Variants in LRRC37A observed in about 807,000 individuals in gnomAD.
LRRC37A encodes leucine-rich repeat-containing protein 37A.
A neutral mutation model predicts 35.4 loss-of-function variants in LRRC37A; 3 were observed. The ratio of observed to expected loss-of-function variants is 0.08; its 90% CI spans 0.04 to 0.22. The LOEUF (loss-of-function observed/expected upper bound fraction) is 0.22. LRRC37A is among the 10% of genes least tolerant of loss of function. LRRC37A has a pLI of 1.00. For synonymous variants in LRRC37A, 23 were observed against 215.0 expected, an observed-to-expected ratio of 0.11 and a Z score of 7.81; for missense variants, 67 against 565.3, an observed-to-expected ratio of 0.12 and a Z score of 8.94.
chr17:46,248,206 A>G, the LRRC37A span, among the ~76,000 whole-genome samples: 1 of 151,790 alleles, frequency 6.6e-6, no homozygotes, highest in Admixed American at 6.6e-5. Flanking sequence ...TTGCGTTTTT[A>G]GGTTTGTTTT....
chr17:46,250,823 G>A, the LRRC37A span, among the ~76,000 whole-genome samples: 2 of 152,210 alleles, frequency 1.3e-5, no homozygotes, highest in African/African-American at 2.4e-5. Context: ...GAGCCCCAGA[G>A]TCTTCTTCTT....
At chr17:46,254,102 G>C in the LRRC37A span, among the ~76,000 whole-genome samples, 1 of 152,184 alleles carries the variant, frequency 6.6e-6, no homozygotes. Context: ...TCCTCACAAC[G>C]ACAGACCCGT....
chr17:46,332,398 A>G (rs2052002256), intron 9 of LRRC37A, among the ~76,000 whole-genome samples, 154 bp from the exon 10 acceptor site: 2 of 78,442 alleles, frequency 2.5e-5, no homozygotes, highest in African/African-American at 1.2e-4. Context: ...AGTCTAGTGA[A>G]CGGTGATTGC....
Position 46,314,259 on chromosome 17 carries a change from G to GA in LRRC37A, c.2906+7958dup, listed in dbSNP as rs973997335. Among the ~76,000 whole-genome samples, 3 of 28,542 alleles carry GA rather than the reference G, an allele frequency of 1.1e-4. 1 individual carries two copies. Among genetic ancestry groups the GA allele is most frequent in the Non-Finnish European group, 3.4e-4 (3 of 8,920 alleles). 18.7% of individuals were successfully genotyped at this position (28,542 alleles called of 152,430 possible). On this transcript the variant is annotated intron_variant, in intron 5 of 13. Transcript: ENST00000320254. Reference sequence around the variant, plus strand: ...TTCAAAAGACAAAATTGTTTTAAAAGAAAAAAAATCCAGTTTGGAGAAGAA... The same window carrying GA: ...TTCAAAAGACAAAATTGTTTTAAAAGAAAAAAAAATCCAGTTTGGAGAAGAA...
At chr17:46,270,229 T>C in the LRRC37A span, among the ~76,000 whole-genome samples, 1 of 152,212 alleles carries the variant, frequency 6.6e-6, no homozygotes, top group Non-Finnish European at 1.5e-5. Flanking sequence ...ACGCTGTCCA[T>C]GGCACCCAGT....
the LRRC37A span, among the ~76,000 whole-genome samples, chr17:46,250,601 A>G: frequency 6.6e-6 from 1 of 152,208 alleles, no homozygotes; most frequent in Non-Finnish European, 1.5e-5. Flanking sequence ...TCGGACTCCA[A>G]GTTCTTCAGT....
At chr17:46,259,019 A>ATTTTTTTTTTCTTTTT in the LRRC37A span, among the ~76,000 whole-genome samples, 1 of 79,468 alleles carries the variant, frequency 1.3e-5, no homozygotes, top group Non-Finnish European at 2.2e-5. Flanking sequence ...CACCCGGCCT[A>ATTTTTTTTTTCTTTTT]TTTTTTTTTT....
chr17:46,327,014 GCATGT>G (rs2051764804), intron 7 of LRRC37A, among the ~76,000 whole-genome samples: 1 of 82,912 alleles, frequency 1.2e-5, no homozygotes, highest in East Asian at 2.3e-4. Flanking sequence ...ATCAGGCACT[GCATGT>G]CATGTCTTCA....
At chr17:46,265,387 T>C in the LRRC37A span, among the ~76,000 whole-genome samples, 1 of 146,134 alleles carries the variant, frequency 6.8e-6, no homozygotes, top group Admixed American at 7.0e-5. Context: ...TTCTTTTCTC[T>C]TCCTTCTCCT....
upstream of LRRC37A, among the ~76,000 whole-genome samples, chr17:46,288,789 C>G (rs921418728): frequency 6.6e-6 from 1 of 151,068 alleles, no homozygotes; most frequent in African/African-American, 2.5e-5. Context: ...GTGTACCCTG[C>G]ACCTCCCAGG....
intron 7 of LRRC37A, among the ~76,000 whole-genome samples, chr17:46,327,093 G>A (rs1377543788): frequency 1.2e-5 from 1 of 86,554 alleles, no homozygotes. Flanking sequence ...CATTTTTTAA[G>A]AGTCAAAGAT....
At chr17:46,257,998 T>C in the LRRC37A span, among the ~76,000 whole-genome samples, 1 of 152,190 alleles carries the variant, frequency 6.6e-6, no homozygotes, top group Admixed American at 6.5e-5. Flanking sequence ...GAAGACTCAA[T>C]TGGGAGAAAA....
chr17:46,252,591 C>T, the LRRC37A span, among the ~76,000 whole-genome samples: 1 of 149,372 alleles, frequency 6.7e-6, no homozygotes, highest in Non-Finnish European at 1.5e-5. Context: ...GAGCATGCTG[C>T]CTTCAAGCAT....
the LRRC37A span, among the ~76,000 whole-genome samples, chr17:46,258,666 T>C: frequency 6.6e-6 from 1 of 151,648 alleles, no homozygotes; most frequent in Non-Finnish European, 1.5e-5. Context: ...AATGAATTAA[T>C]GGCATTTGCA....
At chr17:46,337,431 T>C in exon 13 of LRRC37A, 1 of 781,532 alleles carries the variant, frequency 1.3e-6, no homozygotes, top group African/African-American at 1.7e-5. Context: ...TCTTCTAGGA[T>C]GGACTTTCCT....
At chr17:46,251,721 C>T in the LRRC37A span, among the ~76,000 whole-genome samples, 1 of 150,768 alleles carries the variant, frequency 6.6e-6, no homozygotes, top group Non-Finnish European at 1.5e-5. Context: ...AGGGCCATAT[C>T]CATTATCCCT....
the LRRC37A span, among the ~76,000 whole-genome samples, chr17:46,283,732 T>A: frequency 2.0e-5 from 3 of 152,096 alleles, no homozygotes; most frequent in African/African-American, 4.8e-5. Flanking sequence ...GGGCCCAGGG[T>A]ACCTGCGTTC....
chr17:46,334,469 G>T (rs1176651290), intron 10 of LRRC37A, among the ~76,000 whole-genome samples: 1 of 4,374 alleles, frequency 2.3e-4, no homozygotes, highest in Non-Finnish European at 5.4e-4. Context: ...GGGCCTTGTT[G>T]TCACCCAGGC....
the LRRC37A span, among the ~76,000 whole-genome samples, chr17:46,255,363 C>CTTT: frequency 8.7e-5 from 11 of 126,332 alleles, no homozygotes; most frequent in Non-Finnish European, 9.9e-5. Flanking sequence ...TCCCCAAATT[C>CTTT]TTTTTTTTTT....
Sources: gnomAD v4.1 joint callset for allele counts (sites outside exome capture counted in the v4.1 genomes callset) on GRCh38, gnomAD v4.1.1 for gene constraint, MANE v1.5 for transcripts, NCBI Gene and HGNC (gene_info 2026-07-23, HGNC 2026-07-21) for gene names.